WWC2: variants seen among roughly 807,000 people sequenced by gnomAD.
WWC2 encodes the protein WW and C2 domain containing 2, also known as protein WWC2.
In WWC2, 101 loss-of-function variants were observed where a neutral mutation model predicts 138.5. The ratio of observed to expected loss-of-function variants is 0.73; its 90% CI spans 0.62 to 0.86. The LOEUF is 0.86. Ranked by LOEUF, WWC2 falls within the 40% of genes least tolerant of loss-of-function variation. The pLI is 0.00. For synonymous variants in WWC2, 558 were observed against 538.4 expected (o/e 1.04, Z -0.50); for missense variants, 1,420 against 1,419.4 (o/e 1.00, Z -0.01).
At chr4:183,228,998 G>A (rs961095576) in intron 4 of WWC2, among the ~76,000 whole-genome samples, 3 of 152,056 alleles carry the variant, frequency 2.0e-5, no homozygotes, top group African/African-American at 7.3e-5. Flanking sequence ...ATTAAGTTCA[G>A]AAAAGACAAA....
At position 183,319,359 on chromosome 4, in the gene WWC2, GT is replaced by G; in HGVS notation, c.*3631del. Reference sequence around the variant, plus strand: ...CAGTAATGGGTGTCATTACTATTCAGTCTTGATTGATTTTGGTCTCAGACTA... The same window carrying G: ...CAGTAATGGGTGTCATTACTATTCAGCTTGATTGATTTTGGTCTCAGACTA... On this transcript the variant is annotated 3_prime_UTR_variant, in exon 23 of 23. Transcript: ENST00000403733. 1.6e-6 allele frequency: 1 copy of G among 609,964 alleles called. No homozygotes were observed. The highest frequency in any genetic ancestry group is 2.8e-6 in the Non-Finnish European group (1 of 351,366). The allele number at this position is 609,964 out of a possible 1,614,324, so 37.8% of individuals were successfully genotyped here.
Position 183,254,009 on chromosome 4 carries a change from C to T in WWC2, c.1196+10C>T. ...GAGCTCTGGCCGAGAGGTTTGTTTT[C>T]CTTCTGGAAATAGGGCAGCTTAACT... On this transcript the variant is annotated intron_variant, in intron 9 of 22. Transcript: ENST00000403733. The T allele has an allele frequency of 6.2e-7, 1 of 1,609,904 alleles. No individual in the cohort carries two copies. Among genetic ancestry groups the T allele is most frequent in the Non-Finnish European group, 8.5e-7 (1 of 1,178,236 alleles).
intron 1 of WWC2, among the ~76,000 whole-genome samples, chr4:183,146,153 C>T (rs748466062): frequency 5.3e-5 from 8 of 152,176 alleles, no homozygotes; most frequent in Non-Finnish European, 1.0e-4. Flanking sequence ...AATGGTGGTC[C>T]CAGTCCTTTC....
Position 183,172,170 on chromosome 4 carries a change from C to T in WWC2, c.132-21429C>T, listed in dbSNP as rs536834268. Among the ~76,000 whole-genome samples, 14 of 152,324 alleles carry T rather than the reference C, an allele frequency of 9.2e-5. No homozygotes were observed. The South Asian group carries it at 2.7e-3, about 29-fold the overall frequency. On this transcript the variant is annotated intron_variant, in intron 1 of 22. Transcript: ENST00000403733. Reference sequence around the variant, plus strand: ...TATTCTGTTGGTTTGGAACCTCCTGCACCTTCTGTTCTTAATTTCAAGTTT... The same window carrying T: ...TATTCTGTTGGTTTGGAACCTCCTGTACCTTCTGTTCTTAATTTCAAGTTT...
intron 1 of WWC2, among the ~76,000 whole-genome samples, chr4:183,172,870 C>CT (rs1351858456): frequency 6.6e-6 from 1 of 152,044 alleles, no homozygotes; most frequent in Non-Finnish European, 1.5e-5. Context: ...TGGTTGTTCA[C>CT]TTTCCTTATC....
In WWC2 at chr4:183,289,398, T is replaced by C. The variant is rs1444883717; in HGVS notation, c.3147T>C (p.Val1049=). ...ERRSLRVKRT[V]CQSVLRRTTQ... ...TTCCGTTTCTAACTATCCAGACGGT[T>C]TGCCAGTCAGTCCTTAGAAGAACAA... Residue 1049 remains valine, a synonymous_variant, in exon 21 of 23, where the codon GTT becomes GTC. Transcript: ENST00000403733. 2 of 1,611,210 alleles carry C rather than the reference T, an allele frequency of 1.2e-6. No homozygotes were observed. Among genetic ancestry groups the C allele is most frequent in the Non-Finnish European group, 1.7e-6 (2 of 1,178,566 alleles).
At chr4:183,142,522 T>G (rs947110148) in intron 1 of WWC2, among the ~76,000 whole-genome samples, 1 of 152,020 alleles carries the variant, frequency 6.6e-6, no homozygotes, top group African/African-American at 2.4e-5. Flanking sequence ...ACAAAGAGAG[T>G]GTGTATAGGT....
intron 11 of WWC2, among the ~76,000 whole-genome samples, chr4:183,264,551 G>A (rs1169934048): frequency 6.6e-6 from 1 of 152,210 alleles, no homozygotes; most frequent in Non-Finnish European, 1.5e-5. Context: ...GTGGAGAGAA[G>A]GGGAGACCAA....
chr4:183,196,951 A>G (rs563043169), intron 2 of WWC2, among the ~76,000 whole-genome samples: 9 of 152,238 alleles, frequency 5.9e-5, no homozygotes, highest in Admixed American at 2.6e-4. Flanking sequence ...TTGCATTTAT[A>G]TTATTTTTTG....
chr4:183,275,838 A>G (rs761731724), intron 16 of WWC2, among the ~76,000 whole-genome samples: 13 of 152,166 alleles, frequency 8.5e-5, no homozygotes, highest in African/African-American at 1.2e-4. Flanking sequence ...AATAATTTGT[A>G]TTAATTCTTC....
intron 10 of WWC2, among the ~76,000 whole-genome samples, chr4:183,260,220 C>A (rs1737280701): frequency 6.6e-6 from 1 of 152,014 alleles, no homozygotes; most frequent in African/African-American, 2.4e-5. Flanking sequence ...CGCTTTTGCC[C>A]TGTTTTTTCT....
intron 2 of WWC2, among the ~76,000 whole-genome samples, chr4:183,206,123 A>T (rs1286160827): frequency 6.6e-6 from 1 of 152,044 alleles, no homozygotes; most frequent in Non-Finnish European, 1.5e-5. Flanking sequence ...GTGCTTTCAG[A>T]CAGAAATGTA....
In WWC2 at chr4:183,261,549, G is replaced by T. The variant is rs1434367721; in HGVS notation, c.1909+17G>T. On this transcript the variant is annotated intron_variant, in intron 11 of 22. Transcript: ENST00000403733. ...GAACTGCAGGTAAATGCAGCCCTTTGCTTTCATGTATTCCCTGTTAGTGAT... is the reference window on the plus strand; with the variant it reads ...GAACTGCAGGTAAATGCAGCCCTTTTCTTTCATGTATTCCCTGTTAGTGAT... 2 of 1,598,622 alleles carry T rather than the reference G, an allele frequency of 1.3e-6. No homozygotes were observed.
At chr4:183,139,019 A>AT (rs1211068872) in intron 1 of WWC2, among the ~76,000 whole-genome samples, 1 of 152,194 alleles carries the variant, frequency 6.6e-6, no homozygotes, top group African/African-American at 2.4e-5. Context: ...AGATGTGGGA[A>AT]TTGGAAGAGT....
chr4:183,286,000 G>T lies in WWC2; in HGVS notation c.3082G>T (p.Ala1028Ser). Residue 1028 changes from alanine to serine, a missense_variant, in exon 20 of 23, where the codon GCT becomes TCT. Coordinates refer to ENST00000403733, the MANE Select transcript of WWC2 (RefSeq NM_024949.6). ...GAGTGACAGTGACAGTTCAACCCTG[G>T]CTAAAAAATCACTGTTTGTGAGAAA... The part of the protein sequence containing the change: ...NRSDSDSSTL[A>S]KKSLFVRNST... The T allele has an allele frequency of 6.3e-7, 1 of 1,595,422 alleles. No homozygotes were observed. Among genetic ancestry groups the T allele is most frequent in the South Asian group, 1.1e-5 (1 of 88,004 alleles).
At chr4:183,107,234 C>T (rs1297199697) in intron 1 of WWC2, among the ~76,000 whole-genome samples, 7 of 151,628 alleles carry the variant, frequency 4.6e-5, no homozygotes, top group East Asian at 1.9e-4. Context: ...CGGCTCACTG[C>T]GGCTTCCACC....
At chr4:183,309,956 T>C (rs897243857) in intron 21 of WWC2, among the ~76,000 whole-genome samples, 1 of 152,182 alleles carries the variant, frequency 6.6e-6, no homozygotes, top group African/African-American at 2.4e-5. Context: ...AAGTGAAAGA[T>C]GCCGTTCTAA....
At chr4:183,119,478 A>G (rs1327545238) in intron 1 of WWC2, among the ~76,000 whole-genome samples, 5 of 152,192 alleles carry the variant, frequency 3.3e-5, no homozygotes, top group East Asian at 1.9e-4. Context: ...AGTTAGCAAG[A>G]AGAAACCATG....
At position 183,239,106 on chromosome 4, in the gene WWC2, G is replaced by A. The variant is rs142470144; in HGVS notation, c.523-1077G>A. On this transcript the variant is annotated intron_variant, in intron 4 of 22. Coordinates refer to ENST00000403733, the MANE Select transcript of WWC2 (RefSeq NM_024949.6). ...GAAGCGGGTGGATCGCTTGAGCCCT[G>A]GAGTTCGAGACCAGCCTGGGCAACA... Among the ~76,000 whole-genome samples the A allele has an allele frequency of 9.9e-5, 15 of 152,264 alleles. No individual in the cohort carries two copies. In the East Asian group the frequency reaches 2.9e-3, roughly 29 times the overall value.
Sources: allele counts gnomAD v4.1 joint callset (sites outside exome capture counted in the v4.1 genomes callset), GRCh38; gene constraint gnomAD v4.1.1; transcripts MANE v1.5; gene names NCBI Gene and HGNC (gene_info 2026-07-23, HGNC 2026-07-21).